The following SYN2 variants were observed in gnomAD, a reference collection of about 807,000 sequenced individuals.
SYN2 encodes synapsin II, also known as synapsin-2.
SYN2 carries 19 observed loss-of-function variants against 50.9 expected under a neutral mutation model. The observed-to-expected ratio is 0.37, with a 90% CI of 0.26 to 0.55. SYN2 has a LOEUF of 0.55. Among genes scored for constraint, SYN2 ranks in the 20% least tolerant of loss-of-function variants. The pLI is 0.81. For synonymous variants in SYN2, 255 were observed against 224.9 expected (o/e 1.13, Z -1.20); for missense variants, 587 against 576.4 (o/e 1.02, Z -0.19).
At chr3:12,071,145 T>C in intron 1 of SYN2, 2 of 556,046 alleles carry the variant, frequency 3.6e-6, no homozygotes, top group Non-Finnish European at 3.6e-6. Flanking sequence ...CCAGCGGCAC[T>C]ACCATGTACC....
At chr3:12,135,193 T>A (rs986907979) in intron 1 of SYN2, among the ~76,000 whole-genome samples, 8 of 152,218 alleles carry the variant, frequency 5.3e-5, no homozygotes, top group African/African-American at 1.9e-4. Flanking sequence ...GAGCTGTGAC[T>A]GCAATCAGCT....
intron 1 of SYN2, among the ~76,000 whole-genome samples, chr3:12,082,655 T>A (rs1461726206): frequency 6.6e-6 from 1 of 152,230 alleles, no homozygotes; most frequent in African/African-American, 2.4e-5. Flanking sequence ...TTTTAGAGGA[T>A]GTATATCCAT....
At chr3:12,043,105 C>T (rs1273921757) in intron 1 of SYN2, among the ~76,000 whole-genome samples, 1 of 151,766 alleles carries the variant, frequency 6.6e-6, no homozygotes, top group African/African-American at 2.4e-5. Context: ...TCATTGCAGC[C>T]TTAAATTCCT....
intron 10 of SYN2, among the ~76,000 whole-genome samples, chr3:12,177,753 A>G (rs952663444): frequency 6.6e-6 from 1 of 152,214 alleles, no homozygotes; most frequent in African/African-American, 2.4e-5. Context: ...CTATTCTGGG[A>G]CTGTCTTAAC....
intron 1 of SYN2, among the ~76,000 whole-genome samples, chr3:12,066,566 C>A (rs1316541098): frequency 6.6e-6 from 1 of 152,040 alleles, no homozygotes; most frequent in Non-Finnish European, 1.5e-5. Context: ...ATTTGCATGG[C>A]TACTAAGTTT....
At chr3:12,096,785 G>C (rs1490968220) in intron 1 of SYN2, among the ~76,000 whole-genome samples, 1 of 152,028 alleles carries the variant, frequency 6.6e-6, no homozygotes, top group Non-Finnish European at 1.5e-5. Flanking sequence ...AAATTTACTA[G>C]AGAGGTTAAA....
At chr3:12,121,815 G>C (rs1696566157) in intron 1 of SYN2, among the ~76,000 whole-genome samples, 3 of 152,120 alleles carry the variant, frequency 2.0e-5, no homozygotes, top group African/African-American at 7.2e-5. Flanking sequence ...ATGATTGTGG[G>C]GGCTGGCAGG....
intron 1 of SYN2, among the ~76,000 whole-genome samples, chr3:12,005,936 G>T (rs748942944): frequency 1.5e-4 from 23 of 151,748 alleles, no homozygotes; most frequent in Admixed American, 1.2e-3. Context: ...AGGGCTTGGA[G>T]AAATGAAGAG....
At chr3:12,161,019 G>T (rs1214043528) in intron 5 of SYN2, among the ~76,000 whole-genome samples, 1 of 152,202 alleles carries the variant, frequency 6.6e-6, no homozygotes, top group African/African-American at 2.4e-5. Flanking sequence ...TGGTGAGATT[G>T]GGGTATTGGT....
intron 5 of SYN2, chr3:12,153,453 G>A: frequency 1.9e-6 from 3 of 1,588,644 alleles, no homozygotes; most frequent in Non-Finnish European, 2.6e-6. Context: ...AAGCTCTGCA[G>A]GGAAGGAGAA....
At position 12,102,262 on chromosome 3, in the gene SYN2, C is replaced by A. The variant is rs1465971255; in HGVS notation, c.378-38389C>A. Reference sequence around the variant, plus strand: ...GCCACAGTTCCAAACCTGCTTAAAGCCTATCATTGCTAATTCATTTGCCAT... The same window carrying A: ...GCCACAGTTCCAAACCTGCTTAAAGACTATCATTGCTAATTCATTTGCCAT... On this transcript the variant is annotated intron_variant, in intron 1 of 12. Coordinates refer to ENST00000621198, the MANE Select transcript of SYN2 (RefSeq NM_133625.6). Among the ~76,000 whole-genome samples the A allele has an allele frequency of 2.0e-5, 3 of 152,186 alleles. No individual in the cohort carries two copies. The South Asian group carries it at 6.2e-4, about 32-fold the overall frequency.
chr3:12,070,489 T>C, intron 1 of SYN2: 1 of 648,706 alleles, frequency 1.5e-6, no homozygotes, highest in Admixed American at 1.9e-5. Context: ...ATGAAGAAGA[T>C]TTGGCACCAC....
intron 1 of SYN2, among the ~76,000 whole-genome samples, chr3:12,089,271 C>A (rs888462836): frequency 5.9e-5 from 9 of 152,200 alleles, no homozygotes; most frequent in Non-Finnish European, 1.0e-4. Context: ...AAAGGCACAT[C>A]TTACATGGCT....
At chr3:12,087,887 A>G (rs1695741110) in intron 1 of SYN2, among the ~76,000 whole-genome samples, 1 of 152,078 alleles carries the variant, frequency 6.6e-6, no homozygotes, top group African/African-American at 2.4e-5. Context: ...CATGCAAAAG[A>G]ATGAAATTGG....
intron 12 of SYN2, 34 bp from the exon 13 acceptor site, chr3:12,190,456 C>A: frequency 6.2e-7 from 1 of 1,612,424 alleles, no homozygotes; most frequent in Non-Finnish European, 8.5e-7. Flanking sequence ...GGGAACACCA[C>A]CCTCTCACAT....
intron 1 of SYN2, among the ~76,000 whole-genome samples, chr3:12,014,131 A>G (rs1276535753): frequency 6.6e-6 from 1 of 152,152 alleles, no homozygotes; most frequent in Non-Finnish European, 1.5e-5. Context: ...TGGTCTGTTT[A>G]TGTGTCTGCT....
intron 1 of SYN2, among the ~76,000 whole-genome samples, chr3:12,072,322 A>T (rs2125169197): frequency 6.6e-6 from 1 of 152,318 alleles, no homozygotes; most frequent in Admixed American, 6.5e-5. Context: ...TTTGAAACAC[A>T]AGAAATTTTG....
At chr3:12,035,520 G>T (rs2125145242) in intron 1 of SYN2, among the ~76,000 whole-genome samples, 1 of 152,298 alleles carries the variant, frequency 6.6e-6, no homozygotes, top group Non-Finnish European at 1.5e-5. Context: ...TGTAATACCT[G>T]AACTCCCCAA....
rs1363440993 is a variant in SYN2 at position 12,004,524 on chromosome 3, C to T, written c.-28C>T. The T allele has an allele frequency of 5.3e-6, 3 of 570,236 alleles. No individual in the cohort carries two copies. The highest frequency in any genetic ancestry group is 9.8e-6 in the Non-Finnish European group (3 of 306,376). The allele number at this position is 570,236 out of a possible 1,614,324, so 35.3% of individuals were successfully genotyped here. A position where few individuals can be genotyped will look rare whatever the true frequency, so the allele number is the denominator to read the frequency against. ...CCTCCGCGCCACCAGACCCCGTAGCCCCGCGCGCCCCCAGCCCTTTAAGCC... is the reference window on the plus strand; with the variant it reads ...CCTCCGCGCCACCAGACCCCGTAGCTCCGCGCGCCCCCAGCCCTTTAAGCC... On this transcript the variant is annotated 5_prime_UTR_variant, in exon 1 of 13. Transcript: ENST00000621198.
Sources: gnomAD v4.1 joint callset for allele counts (sites outside exome capture counted in the v4.1 genomes callset) on GRCh38, gnomAD v4.1.1 for gene constraint, MANE v1.5 for transcripts, NCBI Gene and HGNC (gene_info 2026-07-23, HGNC 2026-07-21) for gene names.